The following CDC25C variants were observed in gnomAD, a reference collection of about 807,000 sequenced individuals.
The protein encoded by CDC25C is cell division cycle 25C, also known as M-phase inducer phosphatase 3.
A neutral mutation model predicts 52.5 loss-of-function variants in CDC25C; 48 were observed. The ratio of observed to expected loss-of-function variants is 0.91; its 90% CI spans 0.72 to 1.16. The LOEUF is 1.16. Among genes scored for constraint, CDC25C ranks in the 50% most tolerant of loss-of-function variants. The pLI, the probability that CDC25C is intolerant of heterozygous loss-of-function variation, is 0.00. For missense variants in CDC25C, 510 were observed against 566.1 expected, an observed-to-expected ratio of 0.90 and a Z score of 1.01; for synonymous variants, 187 against 206.5, an observed-to-expected ratio of 0.91 and a Z score of 0.81.
chr5:138,327,991 G>A lies in CDC25C; in HGVS notation c.335+493C>T, dbSNP rs190524713. Among the ~76,000 whole-genome samples, 10 of 152,004 alleles carry A rather than the reference G, an allele frequency of 6.6e-5. 1 individual carries two copies. Among genetic ancestry groups the A allele is most frequent in the Admixed American group, 2.0e-4 (3 of 15,256 alleles). ...AAGTAATTCTCCTACCTCAACCTCCGAAGTAGCTGCGATTACAGGCATGTG... is the reference window on the plus strand; with the variant it reads ...AAGTAATTCTCCTACCTCAACCTCCAAAGTAGCTGCGATTACAGGCATGTG... On this transcript the variant is annotated intron_variant, in intron 4 of 13. Coordinates refer to ENST00000323760, the MANE Select transcript of CDC25C (RefSeq NM_001790.5).
intron 7 of CDC25C, among the ~76,000 whole-genome samples, chr5:138,308,669 C>T (rs1309676690): frequency 6.6e-6 from 1 of 152,066 alleles, no homozygotes; most frequent in Admixed American, 6.6e-5. Flanking sequence ...TCTCCCAACA[C>T]CCATCCTGCC....
intron 3 of CDC25C, among the ~76,000 whole-genome samples, 181 bp downstream of exon 3, chr5:138,329,369 GTTA>G (rs1234106158): frequency 2.6e-5 from 4 of 152,248 alleles, no homozygotes; most frequent in African/African-American, 7.2e-5. Flanking sequence ...TCCTATTAGT[GTTA>G]TTATCTTTCT....
intron 7 of CDC25C, among the ~76,000 whole-genome samples, chr5:138,314,956 C>T (rs866426974): frequency 1.3e-3 from 138 of 109,072 alleles, no homozygotes; most frequent in African/African-American, 4.4e-3. Context: ...GAGTTAGAGT[C>T]TCACTCTGTT....
chr5:138,317,325 A>C (rs1758956130), intron 7 of CDC25C, among the ~76,000 whole-genome samples: 1 of 152,174 alleles, frequency 6.6e-6, no homozygotes, highest in Non-Finnish European at 1.5e-5. Context: ...TGTGAAATGA[A>C]TAAATTTTAA....
At chr5:138,312,445 A>G (rs1758525722) in intron 7 of CDC25C, among the ~76,000 whole-genome samples, 2 of 152,372 alleles carry the variant, frequency 1.3e-5, no homozygotes, top group South Asian at 4.1e-4. Context: ...AATATTCACA[A>G]TTGCCAAAAG....
chr5:138,307,760 T>C (rs1758133078), intron 7 of CDC25C, among the ~76,000 whole-genome samples: 1 of 151,988 alleles, frequency 6.6e-6, no homozygotes, highest in African/African-American at 2.4e-5. Context: ...CCCTGTCTCT[T>C]AAAACAAAAA....
chr5:138,326,044 G>A lies in CDC25C; in HGVS notation c.346C>T (p.Gln116Ter), dbSNP rs375701557. The change falls in exon 5 of 14, where the codon CAG becomes TAG. Residue 116 changes from glutamine (Q) to a stop codon, truncating the protein, a stop_gained. Transcript: ENST00000323760. LOFTEE classifies it high-confidence loss of function. Reference sequence around the variant, plus strand: ...ACTGGGCTACATTTCATTAGGTGCTGGTCATGATTCCTGCAGATTAAAACA... The same window carrying A: ...ACTGGGCTACATTTCATTAGGTGCTAGTCATGATTCCTGCAGATTAAAACA... ...EVHLAGMNHD[Q>*]HLMKCSPAQL... 3.7e-6 allele frequency: 6 copies of A among 1,614,042 alleles called. No individual in the cohort carries two copies. Among genetic ancestry groups the A allele is most frequent in the Non-Finnish European group, 5.1e-6 (6 of 1,180,024 alleles).
At chr5:138,291,645 C>T (rs1440109186) in intron 8 of CDC25C, among the ~76,000 whole-genome samples, 1 of 151,830 alleles carries the variant, frequency 6.6e-6, no homozygotes, top group African/African-American at 2.4e-5. Flanking sequence ...TCTTGAACTC[C>T]TGAGCTCAGG....
At chr5:138,310,767 G>A (rs925786162) in intron 7 of CDC25C, among the ~76,000 whole-genome samples, 12 of 152,118 alleles carry the variant, frequency 7.9e-5, no homozygotes, top group Non-Finnish European at 1.6e-4. Context: ...AGACCACTGC[G>A]CTCCACTGAC....
chr5:138,312,862 C>T (rs929850401), intron 7 of CDC25C, among the ~76,000 whole-genome samples: 2 of 152,032 alleles, frequency 1.3e-5, no homozygotes, highest in Non-Finnish European at 2.9e-5. Context: ...TAACATAAAA[C>T]TGATTTTTTT....
chr5:138,325,868 G>C lies in CDC25C; in HGVS notation c.406C>G (p.Arg136Gly), dbSNP rs375363328. 6.2e-7 allele frequency: 1 copy of C among 1,613,980 alleles called. No homozygotes were observed. The highest frequency in any genetic ancestry group is 8.5e-7 in the Non-Finnish European group (1 of 1,179,952). The change falls in exon 6 of 14, where the codon CGT (arginine) becomes GGT (glycine). Residue 136 changes from arginine to glycine, a missense_variant. Arg to Gly is a moderately radical substitution (Grantham distance 125). Transcript: ENST00000323760. ...LLCSTPNGLD[R>G]GHRKRDAMCS... ...ATTGCATCTCTCTTTCTATGGCCACGGTCCAAACCATTCGGAGTGCTACAA... is the reference window on the plus strand; with the variant it reads ...ATTGCATCTCTCTTTCTATGGCCACCGTCCAAACCATTCGGAGTGCTACAA...
At chr5:138,324,849 A>C (rs2126818898) in intron 6 of CDC25C, among the ~76,000 whole-genome samples, 1 of 152,250 alleles carries the variant, frequency 6.6e-6, no homozygotes, top group South Asian at 2.1e-4. Flanking sequence ...CAGGTGGATC[A>C]CTTGAGGTCA....
upstream of CDC25C, chr5:138,336,725 G>C (rs1432821025): frequency 6.6e-6 from 1 of 152,014 alleles, no homozygotes; most frequent in Non-Finnish European, 1.5e-5. Context: ...TGGTACATAA[G>C]AGCAATTATT....
At chr5:138,296,059 G>A (rs1236294392) in intron 7 of CDC25C, among the ~76,000 whole-genome samples, 2 of 152,068 alleles carry the variant, frequency 1.3e-5, no homozygotes, top group East Asian at 1.9e-4. Context: ...CCCGGCTTCT[G>A]TCTGCACCAC....
At chr5:138,287,046 G>A (rs1756305014) in intron 11 of CDC25C, 123 bp downstream of exon 11, 1 of 645,098 alleles carries the variant, frequency 1.6e-6, no homozygotes, top group African/African-American at 1.8e-5. Context: ...TCAGCCTTGA[G>A]GTGCTTCAAA....
intron 7 of CDC25C, among the ~76,000 whole-genome samples, chr5:138,311,459 G>A (rs929312157): frequency 5.9e-5 from 9 of 152,102 alleles, no homozygotes; most frequent in Admixed American, 6.6e-5. Flanking sequence ...GCCAGGTGTG[G>A]TGGTGCATGC....
At chr5:138,324,360 C>T (rs932554482) in intron 6 of CDC25C, among the ~76,000 whole-genome samples, 5 of 151,846 alleles carry the variant, frequency 3.3e-5, no homozygotes, top group East Asian at 3.9e-4. Context: ...AGAAATGAAT[C>T]GGAGAAAGTA....
intron 8 of CDC25C, among the ~76,000 whole-genome samples, chr5:138,291,051 T>C (rs1175235787): frequency 6.6e-6 from 1 of 152,100 alleles, no homozygotes; most frequent in African/African-American, 2.4e-5. Flanking sequence ...TGAGACCCCA[T>C]CTCAGGGGAA....
chr5:138,315,608 A>G (rs1311949688), intron 7 of CDC25C, among the ~76,000 whole-genome samples: 2 of 152,214 alleles, frequency 1.3e-5, no homozygotes, highest in African/African-American at 4.8e-5. Flanking sequence ...ATTTGTGTGT[A>G]TGTGATGAGG....
Sources: gnomAD v4.1 joint callset for allele counts (sites outside exome capture counted in the v4.1 genomes callset) on GRCh38, gnomAD v4.1.1 for gene constraint, MANE v1.5 for transcripts, NCBI Gene and HGNC (gene_info 2026-07-23, HGNC 2026-07-21) for gene names.